Variants in FA2H observed in about 807,000 individuals in gnomAD.
The protein encoded by FA2H is fatty acid 2-hydroxylase, also known as fatty acid alpha-hydroxylase.
In FA2H, 22 loss-of-function variants were observed where a neutral mutation model predicts 44.9. The observed-to-expected ratio is 0.49, with a 90% CI of 0.35 to 0.70. FA2H has a LOEUF of 0.70. FA2H is among the 30% of genes least tolerant of loss of function. The pLI, the probability that FA2H is intolerant of heterozygous loss-of-function variation, is 0.01. For missense variants in FA2H, 501 were observed against 504.9 expected (o/e 0.99, Z 0.07); for synonymous variants, 243 against 213.2 (o/e 1.14, Z -1.22).
At chr16:74,721,383 G>A (rs981442909) in intron 4 of FA2H, among the ~76,000 whole-genome samples, 1 of 152,120 alleles carries the variant, frequency 6.6e-6, no homozygotes, top group Non-Finnish European at 1.5e-5. Context: ...GGTCAGGCTG[G>A]TCTTGAGCTC....
At position 74,739,065 on chromosome 16, in the gene FA2H, C is replaced by G. The variant is rs180910747; in HGVS notation, c.363+958G>C. Among the ~76,000 whole-genome samples the G allele has an allele frequency of 5.2e-3, 788 of 152,348 alleles. 6 individuals are homozygous for G. Among genetic ancestry groups the G allele is most frequent in the Middle Eastern group, 0.01 (3 of 294 alleles). ...GGGCCAAGGGGGCCCAGCAGACAGT[C>G]AGCTTTGTGGGGTCCCCACCCCACT... On this transcript the variant is annotated intron_variant, in intron 2 of 6. Coordinates refer to ENST00000219368, the MANE Select transcript of FA2H (RefSeq NM_024306.5).
At chr16:74,770,994 G>A (rs973894982) in intron 1 of FA2H, among the ~76,000 whole-genome samples, 14 of 152,128 alleles carry the variant, frequency 9.2e-5, no homozygotes, top group African/African-American at 3.4e-4. Context: ...TAGCAGAGCT[G>A]GGAGGTGGGA....
chr16:74,718,971 G>A lies in FA2H; in HGVS notation c.786+17C>T, dbSNP rs776399428. Reference sequence around the variant, plus strand: ...GCTGCACATGCTAGGTCCGGGCTGGGACCCCGCCCCGCTCACCTTGTGGTG... The same window carrying A: ...GCTGCACATGCTAGGTCCGGGCTGGAACCCCGCCCCGCTCACCTTGTGGTG... On this transcript the variant is annotated intron_variant, in intron 5 of 6. Transcript: ENST00000219368. The A allele has an allele frequency of 1.2e-5, 19 of 1,612,650 alleles. No individual in the cohort carries two copies. The highest frequency in any genetic ancestry group is 1.4e-5 in the Non-Finnish European group (17 of 1,179,992).
At chr16:74,727,724 C>A (rs1961989405) in intron 2 of FA2H, among the ~76,000 whole-genome samples, 1 of 152,190 alleles carries the variant, frequency 6.6e-6, no homozygotes, top group East Asian at 1.9e-4. Flanking sequence ...CAGAAGATGG[C>A]CAAACCAAGA....
At chr16:74,745,188 G>A (rs533778647) in intron 1 of FA2H, among the ~76,000 whole-genome samples, 1 of 152,322 alleles carries the variant, frequency 6.6e-6, no homozygotes, top group South Asian at 2.1e-4. Flanking sequence ...TTCAGCTCCA[G>A]GGCTGTTGAG....
intron 1 of FA2H, among the ~76,000 whole-genome samples, chr16:74,748,825 G>A (rs937417904): frequency 6.6e-6 from 1 of 152,248 alleles, no homozygotes; most frequent in African/African-American, 2.4e-5. Context: ...GAAAGCTGGG[G>A]CTGGGCACCG....
intron 2 of FA2H, among the ~76,000 whole-genome samples, chr16:74,731,599 C>T (rs1375212675): frequency 6.6e-6 from 1 of 152,084 alleles, no homozygotes; most frequent in African/African-American, 2.4e-5. Flanking sequence ...TGGCTCGCTA[C>T]AGCCTTGACC....
At chr16:74,726,595 C>T (rs528921407) in intron 3 of FA2H, among the ~76,000 whole-genome samples, 47 of 152,328 alleles carry the variant, frequency 3.1e-4, no homozygotes, top group African/African-American at 1.1e-3. Flanking sequence ...ACCATGTTGT[C>T]AGGCTGGTCT....
chr16:74,756,734 T>TA (rs1046848573), intron 1 of FA2H, among the ~76,000 whole-genome samples: 10 of 152,190 alleles, frequency 6.6e-5, no homozygotes, highest in South Asian at 2.1e-4. Context: ...GTAGGTTTTT[T>TA]AAAAAAAATC....
chr16:74,763,662 A>G (rs1962754927), intron 1 of FA2H, among the ~76,000 whole-genome samples: 1 of 152,224 alleles, frequency 6.6e-6, no homozygotes, highest in Non-Finnish European at 1.5e-5. Context: ...GCAACACTGG[A>G]AAGGTCCTAC....
At chr16:74,757,424 A>C (rs1046922739) in intron 1 of FA2H, among the ~76,000 whole-genome samples, 1 of 152,196 alleles carries the variant, frequency 6.6e-6, no homozygotes, top group Non-Finnish European at 1.5e-5. Flanking sequence ...TTTTGGGGGC[A>C]ATTTGGCACT....
chr16:74,774,460 G>A (rs771274230), intron 1 of FA2H, 26 bp downstream of exon 1: 2 of 1,500,172 alleles, frequency 1.3e-6, no homozygotes, highest in African/African-American at 1.4e-5. Context: ...CCTGGGTTGG[G>A]GTGGGGGGCC....
At chr16:74,743,520 C>T (rs953036888) in intron 1 of FA2H, among the ~76,000 whole-genome samples, 4 of 152,188 alleles carry the variant, frequency 2.6e-5, no homozygotes, top group African/African-American at 9.7e-5. Context: ...CTCCATCCCC[C>T]GCACAGAGGG....
intron 1 of FA2H, among the ~76,000 whole-genome samples, chr16:74,751,243 C>T (rs1022377176): frequency 1.1e-4 from 17 of 151,986 alleles, no homozygotes; most frequent in African/African-American, 4.1e-4. Flanking sequence ...TATAGGCATG[C>T]ACCACCATGC....
At chr16:74,733,428 G>T (rs959392114) in intron 2 of FA2H, among the ~76,000 whole-genome samples, 9 of 152,168 alleles carry the variant, frequency 5.9e-5, no homozygotes, top group African/African-American at 2.2e-4. Context: ...TGGGCCTGAA[G>T]TGGAAGCCTC....
chr16:74,741,808 A>ATATATATATATATATATATATGTGTG (rs1491185782), intron 1 of FA2H, among the ~76,000 whole-genome samples: 1 of 48,420 alleles, frequency 2.1e-5, no homozygotes, highest in Non-Finnish European at 3.5e-5. Flanking sequence ...ATATATATAT[A>ATATATATATATATATATATATGTGTG]TGTGTGTGTG....
At position 74,774,547 on chromosome 16, in the gene FA2H, G is replaced by A. The variant is rs1474677269; in HGVS notation, c.209C>T (p.Ser70Leu). 5 of 1,545,542 alleles carry A rather than the reference G, an allele frequency of 3.2e-6. No individual in the cohort carries two copies. The highest frequency in any genetic ancestry group is 4.9e-5 in the East Asian group (2 of 40,416). ...CTCCAGCCAGCGGCGCGCGTTGGCCGAGTGCCTGTGCGGCGGCCCGTCCAG... is the reference window on the plus strand; with the variant it reads ...CTCCAGCCAGCGGCGCGCGTTGGCCAAGTGCCTGTGCGGCGGCCCGTCCAG... ...ADLDGPPHRH[S>L]ANARRWLEQY... Residue 70 changes from serine (S) to leucine (L), a missense_variant, in exon 1 of 7, where the codon TCG becomes TTG. By Grantham distance (145) the Ser-to-Leu change is moderately radical (BLOSUM62 -2). Transcript: ENST00000219368.
At chr16:74,720,874 G>A (rs1208034151) in intron 4 of FA2H, among the ~76,000 whole-genome samples, 2 of 152,132 alleles carry the variant, frequency 1.3e-5, no homozygotes, top group Non-Finnish European at 2.9e-5. Context: ...TACCGAATAT[G>A]TTCAACATTC....
At chr16:74,741,347 A>G (rs1023120735) in intron 1 of FA2H, 1 of 152,254 alleles carries the variant, frequency 6.6e-6, no homozygotes. Flanking sequence ...TGATGGTGAC[A>G]GTGACTATTT....
Sources: gnomAD v4.1 joint callset for allele counts (sites outside exome capture counted in the v4.1 genomes callset) on GRCh38, gnomAD v4.1.1 for gene constraint, MANE v1.5 for transcripts, NCBI Gene and HGNC (gene_info 2026-07-23, HGNC 2026-07-21) for gene names.